DPP10: variants seen among roughly 807,000 people sequenced by gnomAD.
DPP10 encodes the protein inactive dipeptidyl peptidase 10.
A neutral mutation model predicts 120.9 loss-of-function variants in DPP10; 33 were observed. That is an observed-to-expected ratio of 0.27 (90% CI 0.21 to 0.37). DPP10 has a LOEUF of 0.37. Ranked by LOEUF, DPP10 falls within the 10% of genes least tolerant of loss-of-function variation. DPP10 has a pLI of 1.00. For missense variants in DPP10, 816 were observed against 942.8 expected (o/e 0.87, Z 1.76); for synonymous variants, 337 against 326.1 (o/e 1.03, Z -0.36).
intron 1 of DPP10, among the ~76,000 whole-genome samples, chr2:114,620,403 C>T (rs1484223208): frequency 3.3e-5 from 5 of 151,858 alleles, no homozygotes; most frequent in Non-Finnish European, 5.9e-5. Flanking sequence ...TGTTAATTAT[C>T]GCCTTATTTG....
intron 5 of DPP10, among the ~76,000 whole-genome samples, chr2:115,531,783 T>C (rs547707767): frequency 6.6e-6 from 1 of 152,268 alleles, no homozygotes; most frequent in East Asian, 1.9e-4. Flanking sequence ...AAAACATTGC[T>C]GTTCTCCATT....
At chr2:115,453,087 T>A (rs2073243232) in intron 3 of DPP10, among the ~76,000 whole-genome samples, 3 of 151,634 alleles carry the variant, frequency 2.0e-5, no homozygotes, top group Admixed American at 1.3e-4. Context: ...AAACCTTACC[T>A]TATGTTTGAT....
chr2:114,949,919 T>A (rs1181361789), intron 1 of DPP10, among the ~76,000 whole-genome samples: 1 of 152,162 alleles, frequency 6.6e-6, no homozygotes, highest in Non-Finnish European at 1.5e-5. Flanking sequence ...CCCATCAAAT[T>A]CCTTGTTTCT....
intron 7 of DPP10, among the ~76,000 whole-genome samples, chr2:115,714,916 G>A (rs778393942): frequency 3.4e-4 from 51 of 151,452 alleles, no homozygotes; most frequent in Admixed American, 7.9e-4. Flanking sequence ...CGTAGTCCCA[G>A]CTACTTGGGA....
intron 1 of DPP10, among the ~76,000 whole-genome samples, chr2:114,671,542 C>A (rs976938892): frequency 4.6e-5 from 7 of 152,056 alleles, no homozygotes; most frequent in Admixed American, 2.6e-4. Context: ...AATTACCCAG[C>A]CTCACGTATT....
At position 115,142,459 on chromosome 2, in the gene DPP10, A is replaced by T. The variant is rs980681565; in HGVS notation, c.61-166780A>T. ...CAGGAGATCAGCCCCAGGGATGGAG[A>T]TCAGATGGAAGCCAACATTGCTGGT... On this transcript the variant is annotated intron_variant, in intron 1 of 25. Transcript: ENST00000410059. Among the ~76,000 whole-genome samples, 3 of 152,296 alleles carry T rather than the reference A, an allele frequency of 2.0e-5. No homozygotes were observed. The East Asian group carries it at 5.8e-4, about 29-fold the overall frequency.
At chr2:115,204,141 A>G (rs1017836659) in intron 1 of DPP10, among the ~76,000 whole-genome samples, 3 of 152,008 alleles carry the variant, frequency 2.0e-5, no homozygotes, top group Non-Finnish European at 4.4e-5. Context: ...AATGTCTTCT[A>G]CAGTTAAAAA....
At chr2:115,525,875 C>T (rs370326303) in intron 4 of DPP10, 23 bp from the exon 5 acceptor site, 2 of 1,556,510 alleles carry the variant, frequency 1.3e-6, no homozygotes, top group Non-Finnish European at 8.7e-7. Context: ...TTAAATATAA[C>T]TGGTTTTTTT....
intron 2 of DPP10, among the ~76,000 whole-genome samples, chr2:115,318,554 A>G (rs759885209): frequency 2.0e-5 from 3 of 152,148 alleles, no homozygotes; most frequent in Non-Finnish European, 2.9e-5. Flanking sequence ...ACTCATAAAT[A>G]TGGAATGTCT....
chr2:114,694,840 G>A (rs888663703), intron 1 of DPP10, among the ~76,000 whole-genome samples: 1 of 151,952 alleles, frequency 6.6e-6, no homozygotes, highest in Non-Finnish European at 1.5e-5. Flanking sequence ...AGTGAGCCAG[G>A]TAAAAGGTGA....
chr2:115,472,750 G>A (rs2074815036), intron 3 of DPP10, among the ~76,000 whole-genome samples: 2 of 152,200 alleles, frequency 1.3e-5, no homozygotes, highest in Admixed American at 1.3e-4. Flanking sequence ...TAGTGCCTAA[G>A]ATATAGAAAC....
rs542098693 is a variant in DPP10, at chr2:114,513,166, C to A, written c.60+70328C>A. Among the ~76,000 whole-genome samples, 25 of 152,220 alleles carry A rather than the reference C, an allele frequency of 1.6e-4. No homozygotes were observed. The South Asian group carries it at 4.6e-3, about 28-fold the overall frequency. ...ACAATCTTCATTACTTTTCTTAATT[C>A]TGTCTTCATTCTCACTTCACCTTGT... On this transcript the variant is annotated intron_variant, in intron 1 of 25. Coordinates refer to ENST00000410059, the MANE Select transcript of DPP10 (RefSeq NM_020868.6).
At chr2:115,223,905 C>G (rs2057305476) in intron 1 of DPP10, among the ~76,000 whole-genome samples, 1 of 152,120 alleles carries the variant, frequency 6.6e-6, no homozygotes, top group African/African-American at 2.4e-5. Flanking sequence ...TATATCAATA[C>G]TTTGGAACAT....
intron 4 of DPP10, among the ~76,000 whole-genome samples, chr2:115,516,089 G>A (rs17044602): frequency 0.029 from 4,365 of 152,210 alleles, 217 homozygotes; most frequent in African/African-American, 0.098. Context: ...CCATAAAAAT[G>A]CAAGTTTAGT....
chr2:114,556,234 CATATATATATATAT>C (rs56772742), intron 1 of DPP10, among the ~76,000 whole-genome samples: 3,310 of 86,958 alleles, frequency 0.038, 140 homozygotes, highest in South Asian at 0.12. Context: ...ATAGATGATA[CATATATATATATAT>C]ATATATATAT....
chr2:114,466,842 A>C (rs1467926328), intron 1 of DPP10, among the ~76,000 whole-genome samples: 1 of 152,136 alleles, frequency 6.6e-6, no homozygotes, highest in Non-Finnish European at 1.5e-5. Flanking sequence ...TCAAGAGTTC[A>C]AGACCAACAT....
chr2:114,591,620 T>A (rs1691472500), intron 1 of DPP10, among the ~76,000 whole-genome samples: 1 of 146,926 alleles, frequency 6.8e-6, no homozygotes, highest in South Asian at 2.2e-4. Flanking sequence ...AGTGGTGCAA[T>A]CTTGGCTCAC....
At chr2:114,680,244 C>T (rs1558996951) in intron 1 of DPP10, among the ~76,000 whole-genome samples, 2 of 151,904 alleles carry the variant, frequency 1.3e-5, no homozygotes, top group African/African-American at 4.8e-5. Context: ...AGTGATGTCC[C>T]TTATGGGAAA....
At chr2:115,832,564 C>G (rs957959271) in intron 21 of DPP10, among the ~76,000 whole-genome samples, 2 of 152,000 alleles carry the variant, frequency 1.3e-5, no homozygotes, top group African/African-American at 4.8e-5. Flanking sequence ...ATTTGTGGTT[C>G]AATTTTAAAT....
Sources: allele counts gnomAD v4.1 joint callset (sites outside exome capture counted in the v4.1 genomes callset), GRCh38; gene constraint gnomAD v4.1.1; transcripts MANE v1.5; gene names NCBI Gene and HGNC (gene_info 2026-07-23, HGNC 2026-07-21).